Variants in FHIT observed in about 807,000 individuals in gnomAD.
The protein encoded by FHIT is bis(5'-adenosyl)-triphosphatase.
In FHIT, 19 loss-of-function variants were observed where a neutral mutation model predicts 17.9. That is an observed-to-expected ratio of 1.06 (90% CI 0.74 to 1.56). The LOEUF (loss-of-function observed/expected upper bound fraction) is 1.56. FHIT is among the 40% of genes most tolerant of loss of function. FHIT has a pLI of 0.00. For synonymous variants in FHIT, 81 were observed against 69.7 expected (o/e 1.16, Z -0.81); for missense variants, 248 against 189.2 (o/e 1.31, Z -1.82).
At chr3:60,471,120 T>C (rs2033069079) in intron 5 of FHIT, among the ~76,000 whole-genome samples, 1 of 152,080 alleles carries the variant, frequency 6.6e-6, no homozygotes, top group Non-Finnish European at 1.5e-5. Flanking sequence ...TACTCTCTCC[T>C]CTCCTCTTCT....
intron 2 of FHIT, among the ~76,000 whole-genome samples, chr3:61,116,000 C>T (rs1245540806): frequency 6.6e-6 from 1 of 152,178 alleles, no homozygotes; most frequent in African/African-American, 2.4e-5. Context: ...ATATCATTAA[C>T]TCCTCCACCC....
chr3:60,895,094 T>C (rs1293365107), intron 3 of FHIT, among the ~76,000 whole-genome samples: 1 of 152,224 alleles, frequency 6.6e-6, no homozygotes, highest in African/African-American at 2.4e-5. Flanking sequence ...GTCATGTCTC[T>C]TTAGCCTCCT....
rs771052998 is a variant in FHIT, at chr3:61,247,956, A to G, written c.-213+3345T>C. Among the ~76,000 whole-genome samples, 31 of 152,180 alleles carry G rather than the reference A, an allele frequency of 2.0e-4. 1 individual carries two copies. The highest frequency in any genetic ancestry group is 6.2e-4 in the South Asian group (3 of 4,826). ...TCTAAAAGGCACAGCTGGGAATTAA[A>G]TCATGGGTCCCCAGACAACCCCTCT... On this transcript the variant is annotated intron_variant, in intron 1 of 9. Coordinates refer to ENST00000492590, the MANE Select transcript of FHIT (RefSeq NM_002012.4).
chr3:60,202,583 AG>A (rs1205774121), intron 5 of FHIT, among the ~76,000 whole-genome samples: 2 of 152,196 alleles, frequency 1.3e-5, no homozygotes, highest in Non-Finnish European at 2.9e-5. Context: ...ATTCTGGAAA[AG>A]GATGCTATAA....
At chr3:59,897,044 C>T (rs1704103199) in intron 8 of FHIT, among the ~76,000 whole-genome samples, 1 of 152,130 alleles carries the variant, frequency 6.6e-6, no homozygotes, top group African/African-American at 2.4e-5. Flanking sequence ...GTCTGCCTCC[C>T]ACCCACCTTT....
At chr3:60,577,649 C>G (rs781992539) in intron 4 of FHIT, among the ~76,000 whole-genome samples, 1 of 152,132 alleles carries the variant, frequency 6.6e-6, no homozygotes, top group Non-Finnish European at 1.5e-5. Context: ...ACTGAGAAGA[C>G]ATCAGTGCTA....
chr3:60,650,425 C>T, intron 4 of FHIT, among the ~76,000 whole-genome samples: 1 of 152,052 alleles, frequency 6.6e-6, no homozygotes, highest in Non-Finnish European at 1.5e-5. Context: ...GGACTAAAGC[C>T]GAGGGTCTGG....
chr3:60,411,622 A>G (rs1274562780), intron 5 of FHIT, among the ~76,000 whole-genome samples: 1 of 152,164 alleles, frequency 6.6e-6, no homozygotes, highest in Non-Finnish European at 1.5e-5. Flanking sequence ...CATGCAAATG[A>G]CAGGGAGGAT....
At chr3:60,333,858 T>C (rs1029524698) in intron 5 of FHIT, among the ~76,000 whole-genome samples, 1 of 152,210 alleles carries the variant, frequency 6.6e-6, no homozygotes, top group African/African-American at 2.4e-5. Flanking sequence ...ATTTGGACAA[T>C]GAGATGTCAG....
chr3:60,702,175 T>C (rs1553702354), intron 4 of FHIT, among the ~76,000 whole-genome samples: 4 of 152,182 alleles, frequency 2.6e-5, no homozygotes. Flanking sequence ...AAAAGACACT[T>C]TTACTGAATA....
intron 3 of FHIT, among the ~76,000 whole-genome samples, chr3:60,998,672 A>T (rs2030844887): frequency 6.6e-6 from 1 of 152,154 alleles, no homozygotes; most frequent in South Asian, 2.1e-4. Context: ...TTAAAGGTTT[A>T]TCATTTACCT....
chr3:60,130,789 G>GTGTGTATA (rs1559660689), intron 5 of FHIT, among the ~76,000 whole-genome samples: 16 of 136,098 alleles, frequency 1.2e-4, no homozygotes, highest in African/African-American at 3.7e-4. Context: ...TGTGTGGTGT[G>GTGTGTATA]TATATACACA....
intron 3 of FHIT, among the ~76,000 whole-genome samples, chr3:61,026,130 T>G (rs1341563020): frequency 6.6e-6 from 1 of 152,132 alleles, no homozygotes; most frequent in African/African-American, 2.4e-5. Flanking sequence ...GATTTTATGC[T>G]CAGGGAGAAG....
In FHIT at chr3:61,014,808, A is replaced by AAAAAAAAAAAAT. The variant is rs1156410696; in HGVS notation, c.-111+27238_-111+27239insATTTTTTTTTTT. Among the ~76,000 whole-genome samples the AAAAAAAAAAAAT allele has an allele frequency of 3.9e-3, 104 of 26,966 alleles. 12 individuals carry two copies. Among genetic ancestry groups the AAAAAAAAAAAAT allele is most frequent in the Non-Finnish European group, 4.9e-3 (45 of 9,256 alleles). 17.7% of individuals were successfully genotyped at this position (26,966 alleles called of 152,430 possible). ...AAAAAAAAAAAAAAAAAAAAAAAAA[A>AAAAAAAAAAAAT]TATATATATATATATATGTATACAC... On this transcript the variant is annotated intron_variant, in intron 3 of 9. Transcript: ENST00000492590.
At chr3:59,854,647 A>G (rs1702078506) in intron 8 of FHIT, among the ~76,000 whole-genome samples, 1 of 152,150 alleles carries the variant, frequency 6.6e-6, no homozygotes, top group Admixed American at 6.5e-5. Flanking sequence ...ATTTTTACAG[A>G]TGAAAAAACT....
chr3:61,012,427 T>C (rs930020452), intron 3 of FHIT, among the ~76,000 whole-genome samples: 1 of 152,162 alleles, frequency 6.6e-6, no homozygotes, highest in Non-Finnish European at 1.5e-5. Flanking sequence ...AATTACTATA[T>C]GATTTTTGGC....
At chr3:60,812,967 A>C (rs1701620620) in intron 4 of FHIT, among the ~76,000 whole-genome samples, 1 of 152,126 alleles carries the variant, frequency 6.6e-6, no homozygotes, top group African/African-American at 2.4e-5. Flanking sequence ...GGGTTATGTT[A>C]TGATTTAAAT....
chr3:60,989,720 T>A (rs1207894705), intron 3 of FHIT, among the ~76,000 whole-genome samples: 1 of 152,206 alleles, frequency 6.6e-6, no homozygotes, highest in East Asian at 1.9e-4. Context: ...TGCTTTTGAC[T>A]CTTTTATGTT....
intron 8 of FHIT, among the ~76,000 whole-genome samples, chr3:59,754,577 C>T (rs776005817): frequency 2.0e-5 from 3 of 152,310 alleles, no homozygotes; most frequent in South Asian, 4.1e-4. Context: ...ACTTCTGCTA[C>T]TGCCATTGGA....
Sources: gnomAD v4.1 joint callset for allele counts (sites outside exome capture counted in the v4.1 genomes callset) on GRCh38, gnomAD v4.1.1 for gene constraint, MANE v1.5 for transcripts, NCBI Gene and HGNC (gene_info 2026-07-23, HGNC 2026-07-21) for gene names.